The following WWOX variants were observed in gnomAD, a reference collection of about 807,000 sequenced individuals.
The protein encoded by WWOX is WW domain-containing oxidoreductase.
WWOX carries 69 observed loss-of-function variants against 46.2 expected under a neutral mutation model. The ratio of observed to expected loss-of-function variants is 1.49; its 90% CI spans 1.23 to 1.82. The LOEUF is 1.82. Among genes scored for constraint, WWOX ranks in the 40% most tolerant of loss-of-function variants. WWOX has a pLI of 0.00. For missense variants in WWOX, 919 were observed against 542.6 expected, an observed-to-expected ratio of 1.69 and a Z score of -6.89; for synonymous variants, 359 against 202.6, an observed-to-expected ratio of 1.77 and a Z score of -6.56.
chr16:78,799,453 A>C (rs1380058620), intron 8 of WWOX, among the ~76,000 whole-genome samples: 1 of 152,214 alleles, frequency 6.6e-6, no homozygotes, highest in Non-Finnish European at 1.5e-5. Context: ...GATTTTACTC[A>C]CCAGGGATAG....
chr16:78,617,909 A>G (rs968596436), intron 8 of WWOX, among the ~76,000 whole-genome samples: 4 of 152,198 alleles, frequency 2.6e-5, no homozygotes, highest in African/African-American at 9.6e-5. Flanking sequence ...TCATGTGCAC[A>G]TTGCCCATCT....
rs557763761 is a variant in WWOX at position 79,081,852 on chromosome 16, T to C, written c.1057-129756T>C. On this transcript the variant is annotated intron_variant, in intron 8 of 8. Transcript: ENST00000566780. ...ACAAAGCAGATTGCTTCCTCCCACC[T>C]CTGTGGGTTAGGACCCCTTTTTCTA... Among the ~76,000 whole-genome samples, 34 of 152,212 alleles carry C rather than the reference T, an allele frequency of 2.2e-4. 1 individual carries two copies. In the South Asian group the frequency reaches 7.1e-3, roughly 32 times the overall value.
intron 5 of WWOX, among the ~76,000 whole-genome samples, chr16:78,175,942 C>T (rs1046432925): frequency 1.3e-5 from 2 of 152,074 alleles, no homozygotes; most frequent in African/African-American, 4.8e-5. Flanking sequence ...ATCCTAAGTT[C>T]CCGGGGTTGC....
At chr16:78,154,688 C>T (rs1013178481) in intron 4 of WWOX, among the ~76,000 whole-genome samples, 2 of 151,996 alleles carry the variant, frequency 1.3e-5, no homozygotes, top group Admixed American at 6.6e-5. Context: ...TCTCTGTCCA[C>T]GCAAAGCCAA....
At chr16:78,796,585 T>A (rs2050743508) in intron 8 of WWOX, among the ~76,000 whole-genome samples, 1 of 152,268 alleles carries the variant, frequency 6.6e-6, no homozygotes, top group South Asian at 2.1e-4. Flanking sequence ...AATATTGCTT[T>A]TAAATTGCAT....
At chr16:78,998,717 A>G (rs2047037371) in intron 8 of WWOX, among the ~76,000 whole-genome samples, 1 of 152,200 alleles carries the variant, frequency 6.6e-6, no homozygotes, top group African/African-American at 2.4e-5. Context: ...TTATTAACTG[A>G]TGTTTTTAAC....
chr16:78,180,909 T>C (rs1392637691), intron 5 of WWOX, among the ~76,000 whole-genome samples: 1 of 152,100 alleles, frequency 6.6e-6, no homozygotes, highest in Non-Finnish European at 1.5e-5. Flanking sequence ...GATCCGAAGT[T>C]AGTAAAGGCT....
At chr16:79,003,886 CCT>C (rs2047142024) in intron 8 of WWOX, among the ~76,000 whole-genome samples, 1 of 152,178 alleles carries the variant, frequency 6.6e-6, no homozygotes, top group Non-Finnish European at 1.5e-5. Context: ...ACAGACTCCA[CCT>C]CTCGATGAGA....
rs150334718 is a variant in WWOX, at chr16:78,497,633, G to T, written c.1056+64881G>T. Among the ~76,000 whole-genome samples the T allele has an allele frequency of 2.4e-4, 36 of 152,208 alleles. No individual in the cohort carries two copies. The East Asian group carries it at 5.8e-3, about 25-fold the overall frequency. On this transcript the variant is annotated intron_variant, in intron 8 of 8. Transcript: ENST00000566780. ...AAGAAAAGAATCTGATGTAAAAATG[G>T]CCCTTCCAACATCTAGCATTATTGT...
rs185334780 is a variant in WWOX at position 78,375,094 on chromosome 16, T to G, written c.517-11766T>G. Among the ~76,000 whole-genome samples the G allele has an allele frequency of 4.1e-3, 632 of 152,348 alleles. 6 individuals carry two copies. Among genetic ancestry groups the G allele is most frequent in the African/African-American group, 0.013 (547 of 41,584 alleles). ...TTTTTCCGAAGCACATTTAAAAATA[T>G]TTTCCAGTTTATCTATTAAACATCC... On this transcript the variant is annotated intron_variant, in intron 5 of 8. Transcript: ENST00000566780.
intron 8 of WWOX, among the ~76,000 whole-genome samples, chr16:78,607,337 T>A (rs2045784068): frequency 6.6e-6 from 1 of 152,194 alleles, no homozygotes; most frequent in Admixed American, 6.5e-5. Context: ...GAAATACGCT[T>A]ACATCATTTA....
intron 8 of WWOX, among the ~76,000 whole-genome samples, chr16:79,189,263 T>G (rs1597459304): frequency 6.6e-6 from 1 of 152,038 alleles, no homozygotes. Context: ...TTTTTTTTCT[T>G]TTTGTTTTTT....
chr16:78,843,154 C>A (rs535061114), intron 8 of WWOX, among the ~76,000 whole-genome samples: 15 of 149,784 alleles, frequency 1.0e-4, no homozygotes, highest in African/African-American at 3.6e-4. Flanking sequence ...GAGTGTGTTA[C>A]TTTATTACTG....
chr16:78,544,767 C>G (rs1032153851), intron 8 of WWOX, among the ~76,000 whole-genome samples: 3 of 151,986 alleles, frequency 2.0e-5, no homozygotes, highest in African/African-American at 4.8e-5. Flanking sequence ...TCCAGCTACT[C>G]AGGAGACTGC....
At position 78,720,474 on chromosome 16, in the gene WWOX, C is replaced by CTTT. The variant is rs61447720; in HGVS notation, c.1056+287730_1056+287732dup. Among the ~76,000 whole-genome samples, 223 of 148,004 alleles carry CTTT rather than the reference C, an allele frequency of 1.5e-3. 1 individual carries two copies. Among genetic ancestry groups the CTTT allele is most frequent in the Non-Finnish European group, 2.2e-3 (149 of 67,146 alleles). ...ATTTGCAATGTTATTTTTTTTTCTTCTTTTTTTTTTATGACACTTTTCTTC... is the reference window on the plus strand; with the variant it reads ...ATTTGCAATGTTATTTTTTTTTCTTCTTTTTTTTTTTTTATGACACTTTTCTTC... On this transcript the variant is annotated intron_variant, in intron 8 of 8. Transcript: ENST00000566780.
intron 8 of WWOX, among the ~76,000 whole-genome samples, chr16:78,594,697 C>A (rs915831810): frequency 6.6e-6 from 1 of 152,092 alleles, no homozygotes; most frequent in African/African-American, 2.4e-5. Flanking sequence ...ATGGACCACA[C>A]CTTTCTCCTT....
chr16:79,067,475 G>T (rs1483744504), intron 8 of WWOX, among the ~76,000 whole-genome samples: 1 of 151,946 alleles, frequency 6.6e-6, no homozygotes, highest in African/African-American at 2.4e-5. Context: ...GCTCTTCTCG[G>T]CTCCTGTGAG....
At chr16:78,386,816 A>C in intron 5 of WWOX, 44 bp from the exon 6 acceptor site, 1 of 1,544,170 alleles carries the variant, frequency 6.5e-7, no homozygotes, top group Non-Finnish European at 9.0e-7. Flanking sequence ...CATGAACTAC[A>C]CTTGCTGTTA....
intron 8 of WWOX, among the ~76,000 whole-genome samples, chr16:78,531,169 G>A (rs12447667): frequency 0.014 from 2,162 of 151,966 alleles, 23 homozygotes; most frequent in African/African-American, 0.027. Flanking sequence ...TAGAAATTAA[G>A]CAGAAAACAG....
Sources: allele counts gnomAD v4.1 joint callset (sites outside exome capture counted in the v4.1 genomes callset), GRCh38; gene constraint gnomAD v4.1.1; transcripts MANE v1.5; gene names NCBI Gene and HGNC (gene_info 2026-07-23, HGNC 2026-07-21).